Variants in RASA2 observed in about 807,000 individuals in gnomAD.
The protein encoded by RASA2 is RAS p21 protein activator 2, also known as ras GTPase-activating protein 2.
Under a neutral mutation model 118.2 loss-of-function variants are expected in RASA2, and 155 were observed. The ratio of observed to expected loss-of-function variants is 1.31; its 90% CI spans 1.15 to 1.50. The LOEUF is 1.50. RASA2 is among the 40% of genes most tolerant of loss of function. The probability of loss-of-function intolerance (pLI) is 0.00; values close to 1 mark genes in which losing one functional copy is unlikely to be tolerated. For synonymous variants in RASA2, 353 were observed against 349.1 expected, an observed-to-expected ratio of 1.01 and a Z score of -0.12; for missense variants, 1,016 against 1,009.6, an observed-to-expected ratio of 1.01 and a Z score of -0.09.
intron 11 of RASA2, 116 bp downstream of exon 11, chr3:141,571,670 G>A: frequency 2.0e-6 from 2 of 1,003,390 alleles, no homozygotes; most frequent in Admixed American, 3.4e-5. Flanking sequence ...CTGTATAGTA[G>A]GCTGAAAAGA....
intron 4 of RASA2, among the ~76,000 whole-genome samples, chr3:141,537,104 C>G (rs932237279): frequency 2.0e-5 from 3 of 152,036 alleles, no homozygotes; most frequent in Non-Finnish European, 4.4e-5. Flanking sequence ...CTTATTTGTC[C>G]CTAGGAGTTC....
At chr3:141,609,366 A>G in intron 21 of RASA2, 54 bp from the exon 22 acceptor site, 5 of 1,135,180 alleles carry the variant, frequency 4.4e-6, no homozygotes, top group South Asian at 2.0e-5. Context: ...AGTCCTTGGC[A>G]TGTTAACAAA....
intron 18 of RASA2, 96 bp downstream of exon 18, chr3:141,586,194 G>C: frequency 8.3e-7 from 1 of 1,206,408 alleles, no homozygotes; most frequent in Non-Finnish European, 1.2e-6. Context: ...ATCTGGCTTT[G>C]TGTGCTGTGT....
At chr3:141,502,435 A>ATT (rs2081797682) in intron 1 of RASA2, among the ~76,000 whole-genome samples, 1 of 152,140 alleles carries the variant, frequency 6.6e-6, no homozygotes. Flanking sequence ...TCTGTTTGAT[A>ATT]CTAGCTGTCC....
chr3:141,572,029 C>CATATATATATATATATATAT (rs10568210), intron 11 of RASA2, among the ~76,000 whole-genome samples: 7 of 121,460 alleles, frequency 5.8e-5, no homozygotes, highest in Non-Finnish European at 1.0e-4. Flanking sequence ...TTTAAAAAAA[C>CATATATATATATATATATAT]ATATATATAT....
intron 19 of RASA2, among the ~76,000 whole-genome samples, chr3:141,587,129 C>T (rs2083217131): frequency 6.6e-6 from 1 of 152,172 alleles, no homozygotes; most frequent in African/African-American, 2.4e-5. Context: ...TATTTCTGTC[C>T]TTTGCTGGGA....
At chr3:141,601,383 C>T (rs1483526505) in intron 19 of RASA2, among the ~76,000 whole-genome samples, 3 of 151,624 alleles carry the variant, frequency 2.0e-5, no homozygotes, top group East Asian at 1.9e-4. Flanking sequence ...TGCTGTGAGC[C>T]GAGATGGCAT....
In RASA2 at chr3:141,563,970, CT is replaced by C. The variant is rs539729864; in HGVS notation, c.863+3990del. 7.7e-3 allele frequency among the ~76,000 whole-genome samples: 971 copies of C among 126,568 alleles called. 2 individuals are homozygous for C. Among genetic ancestry groups the C allele is most frequent in the African/African-American group, 0.015 (520 of 34,528 alleles). The allele number at this position is 126,568 out of a possible 152,430, so 83.0% of individuals were successfully genotyped here. A position where few individuals can be genotyped will look rare whatever the true frequency, so the allele number is the denominator to read the frequency against. ...GTAAAACAACAACATGTTGTGAAGT[CT>C]TTTTTTTTTTTTTTCAAGTAGACAT... On this transcript the variant is annotated intron_variant, in intron 9 of 23. Transcript: ENST00000286364.
intron 17 of RASA2, among the ~76,000 whole-genome samples, chr3:141,581,448 C>T (rs1198973562): frequency 6.6e-6 from 1 of 152,174 alleles, no homozygotes; most frequent in Non-Finnish European, 1.5e-5. Context: ...CAAAGTGACA[C>T]TATTGGCATT....
intron 5 of RASA2, among the ~76,000 whole-genome samples, chr3:141,550,035 C>A (rs1560025191): frequency 6.6e-6 from 1 of 152,100 alleles, no homozygotes; most frequent in Non-Finnish European, 1.5e-5. Context: ...GGAGAAAGGA[C>A]TGATTTTTCC....
intron 2 of RASA2, 141 bp downstream of exon 2, chr3:141,512,421 T>A: frequency 1.6e-6 from 1 of 613,632 alleles, no homozygotes; most frequent in East Asian, 3.4e-5. Flanking sequence ...TCAAAATGTA[T>A]CTTCCTCTTA....
chr3:141,590,190 A>G (rs2083267051), intron 19 of RASA2: 1 of 456,004 alleles, frequency 2.2e-6, no homozygotes, highest in African/African-American at 2.0e-5. Flanking sequence ...GATAATATTA[A>G]TTGTTATATG....
At chr3:141,610,141 A>T in intron 23 of RASA2, 75 bp downstream of exon 23, 1 of 1,249,310 alleles carries the variant, frequency 8.0e-7, no homozygotes, top group Non-Finnish European at 1.1e-6. Flanking sequence ...CCAACCTCAC[A>T]CCTCCTGCTC....
At chr3:141,489,068 A>G (rs2081610166) in intron 1 of RASA2, among the ~76,000 whole-genome samples, 1 of 152,230 alleles carries the variant, frequency 6.6e-6, no homozygotes, top group African/African-American at 2.4e-5. Flanking sequence ...CTTTGTTTCT[A>G]TGGTTTAAAG....
At chr3:141,535,437 CAAAAT>C (rs957673102) in intron 4 of RASA2, among the ~76,000 whole-genome samples, 2 of 152,064 alleles carry the variant, frequency 1.3e-5, no homozygotes, top group Non-Finnish European at 2.9e-5. Flanking sequence ...GTGATAAAAA[CAAAAT>C]AAAGTTTAGA....
intron 14 of RASA2, 59 bp from the exon 15 acceptor site, chr3:141,576,941 T>C: frequency 8.6e-7 from 1 of 1,162,540 alleles, no homozygotes; most frequent in South Asian, 1.4e-5. Context: ...TTTTTTAATT[T>C]ATCATCTTTG....
chr3:141,561,546 G>A (rs534350195), intron 9 of RASA2, among the ~76,000 whole-genome samples: 1 of 152,304 alleles, frequency 6.6e-6, no homozygotes, highest in East Asian at 1.9e-4. Flanking sequence ...ACAGTTGTAA[G>A]GAAACATAAA....
intron 1 of RASA2, among the ~76,000 whole-genome samples, chr3:141,511,635 A>G (rs2081951806): frequency 6.6e-6 from 1 of 152,164 alleles, no homozygotes; most frequent in Non-Finnish European, 1.5e-5. Context: ...GAGCAGTTTT[A>G]GTGGCATGGT....
intron 14 of RASA2, among the ~76,000 whole-genome samples, chr3:141,574,509 C>T (rs1317547029): frequency 1.3e-5 from 2 of 152,126 alleles, no homozygotes; most frequent in South Asian, 2.1e-4. Context: ...TAAGTACAAC[C>T]TTCTTTAGTT....
Sources: gnomAD v4.1 joint callset for allele counts (sites outside exome capture counted in the v4.1 genomes callset) on GRCh38, gnomAD v4.1.1 for gene constraint, MANE v1.5 for transcripts, NCBI Gene and HGNC (gene_info 2026-07-23, HGNC 2026-07-21) for gene names.